Variants in CFAP299 observed in about 807,000 individuals in gnomAD.
The protein encoded by CFAP299 is cilia- and flagella-associated protein 299.
Under a neutral mutation model 27.0 loss-of-function variants are expected in CFAP299, and 21 were observed. The observed-to-expected ratio is 0.78, with a 90% CI of 0.55 to 1.12. The LOEUF is 1.12. Among genes scored for constraint, CFAP299 ranks in the 50% most tolerant of loss-of-function variants. The probability of loss-of-function intolerance (pLI) is 0.00; values close to 1 mark genes in which losing one functional copy is unlikely to be tolerated. For synonymous variants in CFAP299, 104 were observed against 98.1 expected, an observed-to-expected ratio of 1.06 and a Z score of -0.36; for missense variants, 310 against 276.6, an observed-to-expected ratio of 1.12 and a Z score of -0.86.
intron 3 of CFAP299, among the ~76,000 whole-genome samples, chr4:80,673,893 C>CTTTCTT (rs1719201800): frequency 6.7e-6 from 1 of 150,232 alleles, no homozygotes; most frequent in South Asian, 2.1e-4. Context: ...TCCTCCATCC[C>CTTTCTT]TTTCTTTTTA....
At chr4:80,543,642 G>A (rs1221762634) in intron 2 of CFAP299, among the ~76,000 whole-genome samples, 4 of 152,188 alleles carry the variant, frequency 2.6e-5, no homozygotes, top group Non-Finnish European at 5.9e-5. Flanking sequence ...AACACAGGGA[G>A]ACAACAATAA....
At chr4:80,856,650 C>T (rs376184337) in intron 3 of CFAP299, among the ~76,000 whole-genome samples, 5 of 152,080 alleles carry the variant, frequency 3.3e-5, no homozygotes, top group East Asian at 1.9e-4. Context: ...GCACCATTTA[C>T]TAAATAGGGA....
At chr4:80,721,497 C>T (rs1722809324) in intron 3 of CFAP299, among the ~76,000 whole-genome samples, 1 of 152,048 alleles carries the variant, frequency 6.6e-6, no homozygotes, top group Non-Finnish European at 1.5e-5. Context: ...TATAAGGGCA[C>T]CAGTTATGTT....
chr4:80,362,646 C>A, intron 1 of CFAP299, 108 bp from the exon 2 acceptor site: 1 of 1,174,510 alleles, frequency 8.5e-7, no homozygotes, highest in Non-Finnish European at 1.2e-6. Flanking sequence ...TTTAATTTTT[C>A]ATTTAAAGCA....
the CFAP299 span, among the ~76,000 whole-genome samples, chr4:80,324,075 C>T: frequency 1.3e-5 from 2 of 152,032 alleles, no homozygotes; most frequent in African/African-American, 2.4e-5. Flanking sequence ...CCTATCAACC[C>T]GTCATCTAGG....
chr4:80,536,557 A>G (rs1733749173), intron 2 of CFAP299, among the ~76,000 whole-genome samples: 1 of 152,160 alleles, frequency 6.6e-6, no homozygotes, highest in Non-Finnish European at 1.5e-5. Context: ...CCAGAAATAA[A>G]TCCCCACATT....
chr4:80,882,602 C>A (rs1733764426), intron 4 of CFAP299, among the ~76,000 whole-genome samples: 1 of 150,330 alleles, frequency 6.7e-6, no homozygotes, highest in Non-Finnish European at 1.5e-5. Flanking sequence ...AGCGCCGCTG[C>A]ACTCAGGCTT....
intron 2 of CFAP299, among the ~76,000 whole-genome samples, chr4:80,412,005 A>G (rs971362127): frequency 2.6e-5 from 4 of 152,138 alleles, no homozygotes; most frequent in Non-Finnish European, 5.9e-5. Flanking sequence ...CAAGTCATCC[A>G]ATGAACTAGG....
At chr4:80,350,432 G>A (rs1301466026) in intron 1 of CFAP299, among the ~76,000 whole-genome samples, 2 of 152,106 alleles carry the variant, frequency 1.3e-5, no homozygotes, top group African/African-American at 4.8e-5. Flanking sequence ...TCCCATTACT[G>A]GGTATATACC....
chr4:80,560,049 C>T (rs1046574476), intron 2 of CFAP299, among the ~76,000 whole-genome samples: 6 of 151,956 alleles, frequency 3.9e-5, no homozygotes, highest in East Asian at 1.9e-4. Flanking sequence ...CTGCATAGCC[C>T]GTGACTCCAA....
chr4:80,795,861 AG>A (rs1727830013), intron 3 of CFAP299, among the ~76,000 whole-genome samples: 1 of 152,162 alleles, frequency 6.6e-6, no homozygotes, highest in Non-Finnish European at 1.5e-5. Context: ...AGTTATTTGC[AG>A]AAGATGGCAG....
Position 80,870,138 on chromosome 4 carries a change from A to G in CFAP299, c.476+3A>G, listed in dbSNP as rs1412863703. On this transcript the variant is annotated splice_donor_region_variant and intron_variant, in intron 4 of 5. Coordinates refer to ENST00000358105, the MANE Select transcript of CFAP299 (RefSeq NM_152770.3). ...CTTCCAAGGCCTACAGATATAAGGT[A>G]AATTACATACAATTTTTGCACCCTT... is the stretch of plus-strand genomic sequence containing the variant. The G allele has an allele frequency of 1.3e-6, 2 of 1,594,866 alleles. No homozygotes were observed. The highest frequency in any genetic ancestry group is 2.7e-5 in the African/African-American group (2 of 73,714).
intron 2 of CFAP299, among the ~76,000 whole-genome samples, chr4:80,373,398 A>G (rs957940676): frequency 1.3e-5 from 2 of 152,078 alleles, no homozygotes; most frequent in Non-Finnish European, 2.9e-5. Context: ...GGGAGAAGAG[A>G]ATCACTGCAA....
intron 3 of CFAP299, among the ~76,000 whole-genome samples, chr4:80,843,326 C>G (rs548156395): frequency 6.6e-6 from 1 of 151,918 alleles, no homozygotes; most frequent in Non-Finnish European, 1.5e-5. Flanking sequence ...TGAGAACATG[C>G]GGTGTTTGGA....
intron 3 of CFAP299, among the ~76,000 whole-genome samples, chr4:80,659,125 A>G (rs1740703242): frequency 6.6e-6 from 1 of 152,254 alleles, no homozygotes; most frequent in African/African-American, 2.4e-5. Flanking sequence ...TTTTCCCCTA[A>G]TAACAACTGC....
At chr4:80,413,794 A>G (rs1474513631) in intron 2 of CFAP299, among the ~76,000 whole-genome samples, 2 of 71,488 alleles carry the variant, frequency 2.8e-5, no homozygotes, top group Non-Finnish European at 5.4e-5. Context: ...CTGCTTCTCT[A>G]TTTCTCTCTG....
At chr4:80,799,677 ATTTAT>A (rs1560417108) in intron 3 of CFAP299, among the ~76,000 whole-genome samples, 4 of 39,162 alleles carry the variant, frequency 1.0e-4, no homozygotes, top group African/African-American at 1.2e-4. Context: ...ATAAATATAT[ATTTAT>A]AAATATATAA....
chr4:80,495,658 G>A (rs1731398153), intron 2 of CFAP299, among the ~76,000 whole-genome samples: 1 of 152,146 alleles, frequency 6.6e-6, no homozygotes, highest in African/African-American at 2.4e-5. Flanking sequence ...TAAAAAATTA[G>A]CTAGATGTAT....
At chr4:80,833,107 A>G (rs1307218936) in intron 3 of CFAP299, among the ~76,000 whole-genome samples, 2 of 152,138 alleles carry the variant, frequency 1.3e-5, no homozygotes, top group Non-Finnish European at 2.9e-5. Flanking sequence ...ATTTTACATT[A>G]CTCAGCATGT....
Sources: allele counts gnomAD v4.1 joint callset (sites outside exome capture counted in the v4.1 genomes callset), GRCh38; gene constraint gnomAD v4.1.1; transcripts MANE v1.5; gene names NCBI Gene and HGNC (gene_info 2026-07-23, HGNC 2026-07-21).